The following DLGAP1 variants were observed in gnomAD, a reference collection of about 807,000 sequenced individuals.
DLGAP1 encodes the protein disks large-associated protein 1.
DLGAP1 carries 11 observed loss-of-function variants against 90.8 expected under a neutral mutation model. The ratio of observed to expected loss-of-function variants is 0.12; its 90% CI spans 0.08 to 0.20. The LOEUF (loss-of-function observed/expected upper bound fraction) is 0.20, where lower values mean the gene tolerates loss of function less well. Among genes scored for constraint, DLGAP1 ranks in the 10% least tolerant of loss-of-function variants. The pLI is 1.00. For missense variants in DLGAP1, 1,050 were observed against 1,333.8 expected, an observed-to-expected ratio of 0.79 and a Z score of 3.31; for synonymous variants, 558 against 540.7, an observed-to-expected ratio of 1.03 and a Z score of -0.44.
rs1314870673 is a variant in DLGAP1, at chr18:3,729,150, T to C, written c.1576A>G (p.Ile526Val). Residue 526 changes from isoleucine to valine, a missense_variant, in exon 7 of 13, where the codon ATC (isoleucine) becomes GTC (valine). By Grantham distance (29) the Ile-to-Val change is conservative (BLOSUM62 3). Transcript: ENST00000315677. The surrounding 1 kb of genome is among the most constrained non-coding windows in gnomAD (Gnocchi z 6.2). The stretch of plus-strand genomic sequence containing the variant: ...GCGCACTCACCCGTGCTGCTCTGGA[T>C]GGTCCTAACGGTGGTGGTGGTGCGC... ...PPRTTTTVRT[I>V]QSSTVSSCIT... 2 of 1,612,338 alleles carry C rather than the reference T, an allele frequency of 1.2e-6. No individual in the cohort carries two copies. The highest frequency in any genetic ancestry group is 1.7e-6 in the Non-Finnish European group (2 of 1,179,568).
chr18:3,985,991 C>T (rs961487505), intron 3 of DLGAP1: 6 of 152,154 alleles, frequency 3.9e-5, no homozygotes, highest in African/African-American at 1.2e-4. Flanking sequence ...GTCATCCTAG[C>T]GCAAATTCAT....
intron 2 of DLGAP1, among the ~76,000 whole-genome samples, chr18:4,019,892 A>G (rs1164131394): frequency 6.6e-6 from 1 of 152,144 alleles, no homozygotes; most frequent in Non-Finnish European, 1.5e-5. Flanking sequence ...AAATTCTATG[A>G]CCTATAAAGG....
At chr18:4,120,755 C>CT (rs2076140755) in intron 2 of DLGAP1, among the ~76,000 whole-genome samples, 2 of 148,618 alleles carry the variant, frequency 1.3e-5, no homozygotes, top group South Asian at 2.3e-4. Flanking sequence ...TCCGTCCTGC[C>CT]ATCCTCCTCC....
chr18:4,207,862 CT>C (rs2077754480), intron 1 of DLGAP1, among the ~76,000 whole-genome samples: 1 of 152,122 alleles, frequency 6.6e-6, no homozygotes, highest in Non-Finnish European at 1.5e-5. Flanking sequence ...CTTTTTTCCC[CT>C]ATTAAAAAAT....
At chr18:3,672,623 A>G (rs2060139767) in intron 7 of DLGAP1, among the ~76,000 whole-genome samples, 1 of 147,152 alleles carries the variant, frequency 6.8e-6, no homozygotes, top group African/African-American at 2.6e-5. Flanking sequence ...AATGAGAAAC[A>G]GGTAGATAAA....
At chr18:3,500,562 C>A (rs1001894399) in intron 12 of DLGAP1, among the ~76,000 whole-genome samples, 13 of 152,274 alleles carry the variant, frequency 8.5e-5, no homozygotes, top group African/African-American at 3.1e-4. Flanking sequence ...ACCCCACCGG[C>A]TGTCTAAGGT....
intron 7 of DLGAP1, among the ~76,000 whole-genome samples, chr18:3,718,927 A>G (rs1181410600): frequency 1.8e-3 from 2 of 1,116 alleles, no homozygotes; most frequent in African/African-American, 3.4e-3. Context: ...ACTTTGTCTG[A>G]AAAAAAAAAA....
chr18:4,190,324 T>C (rs1044755901), intron 1 of DLGAP1, among the ~76,000 whole-genome samples: 1 of 152,088 alleles, frequency 6.6e-6, no homozygotes, highest in Non-Finnish European at 1.5e-5. Flanking sequence ...AAACTATAGA[T>C]ACAATGAATT....
chr18:3,724,171 T>A (rs913110810), intron 7 of DLGAP1, among the ~76,000 whole-genome samples: 1 of 151,768 alleles, frequency 6.6e-6, no homozygotes, highest in Non-Finnish European at 1.5e-5. Context: ...CCTCTACAAA[T>A]TGTTTTTTAA....
intron 1 of DLGAP1, among the ~76,000 whole-genome samples, chr18:4,165,160 C>T (rs953335749): frequency 6.6e-6 from 1 of 151,816 alleles, no homozygotes; most frequent in African/African-American, 2.4e-5. Context: ...CAAGATAAAC[C>T]CCAAAAAGTG....
At chr18:3,802,132 G>GCACC (rs2066329525) in intron 5 of DLGAP1, among the ~76,000 whole-genome samples, 1 of 152,044 alleles carries the variant, frequency 6.6e-6, no homozygotes, top group Non-Finnish European at 1.5e-5. Flanking sequence ...CTACAGGTGT[G>GCACC]TGCCACCATG....
At chr18:4,086,161 T>C (rs188517964) in intron 2 of DLGAP1, among the ~76,000 whole-genome samples, 1 of 152,232 alleles carries the variant, frequency 6.6e-6, no homozygotes, top group African/African-American at 2.4e-5. Context: ...AAGCATGTGG[T>C]AGGACGGGAG....
intron 1 of DLGAP1, among the ~76,000 whole-genome samples, chr18:4,401,357 CT>C (rs1423854740): frequency 1.3e-5 from 2 of 152,190 alleles, no homozygotes; most frequent in Non-Finnish European, 2.9e-5. Context: ...AAAAACCATG[CT>C]GCTTATTCTG....
chr18:4,214,157 A>G (rs561568656), intron 1 of DLGAP1, among the ~76,000 whole-genome samples: 1 of 152,308 alleles, frequency 6.6e-6, no homozygotes, highest in South Asian at 2.1e-4. Context: ...AGACATGTCT[A>G]AACCTTACAA....
intron 2 of DLGAP1, among the ~76,000 whole-genome samples, chr18:4,050,749 T>C (rs182803863): frequency 1.3e-5 from 2 of 152,388 alleles, no homozygotes; most frequent in East Asian, 3.9e-4. Context: ...AACTGTTTAT[T>C]ACTTTAATCT....
chr18:3,929,738 T>C (rs1274607927), intron 3 of DLGAP1, among the ~76,000 whole-genome samples: 2 of 152,236 alleles, frequency 1.3e-5, no homozygotes, highest in Non-Finnish European at 2.9e-5. Context: ...TTCTCCCAGC[T>C]GAACTTTAAA....
chr18:3,532,330 A>G lies in DLGAP1; in HGVS notation c.2479+1864T>C, dbSNP rs535139107. 1.9e-4 allele frequency among the ~76,000 whole-genome samples: 29 copies of G among 152,124 alleles called. No homozygotes were observed. In the South Asian group the frequency reaches 6.0e-3, roughly 32 times the overall value. ...CACAGTGGCTTATGCCTGTAATCCC[A>G]GCACTTTGGGAGGCCGAGGCGGGTG... is the stretch of plus-strand genomic sequence containing the variant. On this transcript the variant is annotated intron_variant, in intron 10 of 12. Transcript: ENST00000315677.
At chr18:3,626,594 TAA>T (rs1555606655) in intron 7 of DLGAP1, among the ~76,000 whole-genome samples, 5 of 130,530 alleles carry the variant, frequency 3.8e-5, no homozygotes, top group Non-Finnish European at 6.7e-5. Flanking sequence ...AAGAACCTGT[TAA>T]AAAAAAAAAA....
At chr18:3,748,640 C>A (rs535942827) in intron 5 of DLGAP1, among the ~76,000 whole-genome samples, 5 of 152,136 alleles carry the variant, frequency 3.3e-5, no homozygotes, top group African/African-American at 1.2e-4. Flanking sequence ...CATTGTATTT[C>A]AAAAATGAAC....
Sources: allele counts gnomAD v4.1 joint callset (sites outside exome capture counted in the v4.1 genomes callset), GRCh38; gene constraint gnomAD v4.1.1; non-coding constraint Gnocchi (gnomAD v3.1); transcripts MANE v1.5; gene names NCBI Gene and HGNC (gene_info 2026-07-23, HGNC 2026-07-21).